MYH3: variants seen among roughly 807,000 people sequenced by gnomAD.
The protein encoded by MYH3 is myosin heavy chain 3.
In MYH3, 130 loss-of-function variants were observed where a neutral mutation model predicts 238.0. The ratio of observed to expected loss-of-function variants is 0.55; its 90% CI spans 0.47 to 0.63. The LOEUF (loss-of-function observed/expected upper bound fraction) is 0.63. Among genes scored for constraint, MYH3 ranks in the 30% least tolerant of loss-of-function variants. The probability of loss-of-function intolerance (pLI) is 0.00; values close to 1 mark genes in which losing one functional copy is unlikely to be tolerated. For missense variants in MYH3, 1,853 were observed against 2,374.9 expected (o/e 0.78, Z 4.57); for synonymous variants, 880 against 924.1 (o/e 0.95, Z 0.86).
intron 36 of MYH3, 60 bp downstream of exon 36, chr17:10,631,551 G>A: frequency 6.2e-7 from 1 of 1,613,556 alleles, no homozygotes; most frequent in Non-Finnish European, 8.5e-7. Context: ...CTAACTATGT[G>A]AGGGCTTTAA....
At chr17:10,631,094 T>C (rs1216435819) in intron 36 of MYH3, among the ~76,000 whole-genome samples, 1 of 152,232 alleles carries the variant, frequency 6.6e-6, no homozygotes. Flanking sequence ...ATATATATTT[T>C]CAAAGGAGCT....
upstream of MYH3, among the ~76,000 whole-genome samples, chr17:10,660,558 T>C (rs943041191): frequency 2.0e-5 from 3 of 151,858 alleles, no homozygotes; most frequent in African/African-American, 7.3e-5. Flanking sequence ...GTCCCTGTAT[T>C]CCCAGCTACT....
chr17:10,668,586 T>A, the MYH3 span, among the ~76,000 whole-genome samples: 8 of 152,254 alleles, frequency 5.3e-5, no homozygotes, highest in South Asian at 1.7e-3. Flanking sequence ...TTGAAGAAAT[T>A]TGAACATAAA....
chr17:10,629,022 GGTTT>G (rs1364343997), intron 40 of MYH3, among the ~76,000 whole-genome samples: 2 of 152,108 alleles, frequency 1.3e-5, no homozygotes, highest in African/African-American at 4.8e-5. Flanking sequence ...TCAGGATGGC[GGTTT>G]GTTTTGTTTT....
chr17:10,652,821 C>T (rs1751642588), intron 3 of MYH3, among the ~76,000 whole-genome samples: 1 of 151,670 alleles, frequency 6.6e-6, no homozygotes, highest in African/African-American at 2.4e-5. Flanking sequence ...CGGGGTTTCA[C>T]CGTGTTAGCC....
chr17:10,635,199 A>C (rs1005758518), intron 30 of MYH3, among the ~76,000 whole-genome samples, 168 bp downstream of exon 30: 2 of 152,136 alleles, frequency 1.3e-5, no homozygotes, highest in Non-Finnish European at 2.9e-5. Context: ...CTTGTGTCTG[A>C]CCAAGATCAA....
chr17:10,650,806 AT>A (rs1417127571), intron 5 of MYH3, among the ~76,000 whole-genome samples: 1 of 152,132 alleles, frequency 6.6e-6, no homozygotes, highest in African/African-American at 2.4e-5. Flanking sequence ...ACCAGCACCG[AT>A]TTCTCCTTTC....
the MYH3 span, chr17:10,678,346 G>T: frequency 6.6e-6 from 1 of 152,108 alleles, no homozygotes; most frequent in Non-Finnish European, 1.5e-5. Flanking sequence ...ACATCTGGAA[G>T]ACGTCACCTC....
At chr17:10,630,716 T>A (rs1567551115) in intron 36 of MYH3, among the ~76,000 whole-genome samples, 1 of 152,172 alleles carries the variant, frequency 6.6e-6, no homozygotes, top group Non-Finnish European at 1.5e-5. Flanking sequence ...CTGGGCGTGG[T>A]GGCAGATGCC....
At chr17:10,671,807 C>T in the MYH3 span, among the ~76,000 whole-genome samples, 2 of 152,008 alleles carry the variant, frequency 1.3e-5, no homozygotes, top group East Asian at 3.9e-4. Flanking sequence ...TCTCGATCTC[C>T]TGACCTTGTG....
Position 10,641,284 on chromosome 17 carries a change from C to T in MYH3, c.2047+1G>A. On this transcript the variant is annotated splice_donor_variant, in intron 18 of 40. Transcript: ENST00000583535. LOFTEE classifies it high-confidence loss of function. ...ACCTAGCGAGCCAGCAGGTGTCTCA[C>T]CTGGAGTTTTGGTTTCATTGGGAAT... The T allele has an allele frequency of 6.2e-7, 1 of 1,611,970 alleles. No homozygotes were observed. The highest frequency in any genetic ancestry group is 8.5e-7 in the Non-Finnish European group (1 of 1,178,118).
Position 10,638,926 on chromosome 17 carries a change from C to T in MYH3, c.3286G>A (p.Glu1096Lys), listed in dbSNP as rs936470696. ...FEYCQLQSKV[E>K]DEQTLGLQFQ... The stretch of plus-strand genomic sequence containing the variant: ...TGGAGGCCCAGTGTCTGCTCATCTT[C>T]CACTTTGCTTTGAAGTTGACAATAT... Residue 1096 changes from glutamate (E) to lysine (K), a missense_variant, in exon 26 of 41, where the codon GAA becomes AAA. This residue lies in a region of MYH3 where 1,044 missense variants were observed against 1,192.6 expected (regional missense o/e 0.88). Coordinates refer to ENST00000583535, the MANE Select transcript of MYH3 (RefSeq NM_002470.4). 12 of 1,614,064 alleles carry T rather than the reference C, an allele frequency of 7.4e-6. No homozygotes were observed. The Admixed American group carries it at 1.2e-4, about 16-fold the overall frequency.
At chr17:10,670,295 A>G in the MYH3 span, among the ~76,000 whole-genome samples, 1 of 152,238 alleles carries the variant, frequency 6.6e-6, no homozygotes, top group African/African-American at 2.4e-5. This position sits in a 1 kb window ranked among gnomAD's most constrained non-coding sequence, Gnocchi z 7.0. Flanking sequence ...TCAGTGGATC[A>G]CAGCACCCAA....
In MYH3 at chr17:10,642,170, G is replaced by A. The variant is rs905790170; in HGVS notation, c.1959+70C>T. The A allele has an allele frequency of 4.3e-6, 6 of 1,391,834 alleles. No homozygotes were observed. The African/African-American group carries it at 5.7e-5, about 13-fold the overall frequency. The allele number at this position is 1,391,834 out of a possible 1,614,324, so 86.2% of individuals were successfully genotyped here. On this transcript the variant is annotated intron_variant, in intron 17 of 40. Transcript: ENST00000583535. The surrounding 1 kb of genome is among the most constrained non-coding windows in gnomAD (Gnocchi z 5.4). ...ACTACTCTCAAATAAATCAAGCTTA[G>A]AATCTCAGCATTGCTCATTTAGATG...
chr17:10,654,861 C>G lies in MYH3; in HGVS notation c.204G>C (p.Arg68Ser). 6.2e-7 allele frequency: 1 copy of G among 1,613,868 alleles called. No homozygotes were observed. Among genetic ancestry groups the G allele is most frequent in the Non-Finnish European group, 8.5e-7 (1 of 1,179,776 alleles). The change falls in exon 3 of 41, where the codon AGG becomes AGC. Residue 68 changes from arginine (R) to serine (S), a missense_variant and splice_region_variant. Physicochemically the swap from Arg to Ser is moderately radical, Grantham distance 110 (BLOSUM62 -1). Around this residue, in one of 3 missense-constraint regions of MYH3, gnomAD observed 131 missense variants for 123.5 expected, o/e 1.06. Coordinates refer to ENST00000583535, the MANE Select transcript of MYH3 (RefSeq NM_002470.4). The surrounding 1 kb of genome is among the most constrained non-coding windows in gnomAD (Gnocchi z 4.5). ...GCCTGTGGAGGGTACAGAGCCTTAC[C>G]CTGTTGTCCTCAGTTTCCACAGTGA... is the stretch of plus-strand genomic sequence containing the variant. ...GKVTVETEDN[R>S]TLVVKPEDVY...
rs757885954 is a variant in MYH3, at chr17:10,639,677, C to T, written c.2808G>A (p.Glu936=). Residue 936 remains glutamate (E), a synonymous_variant, in exon 23 of 41, where the codon GAG becomes GAA. Transcript: ENST00000583535. ...RAEDEEEINA[E]LTAKKRKLED... is the part of the protein sequence containing the mutation. ...CCAGTTTCCTCTTCTTGGCCGTCAG[C>T]TCAGCATTGATCTCCTCCTCATCTT... The T allele has an allele frequency of 7.4e-6, 12 of 1,614,102 alleles. No individual in the cohort carries two copies. Among genetic ancestry groups the T allele is most frequent in the Non-Finnish European group, 1.0e-5 (12 of 1,180,030 alleles).
intron 12 of MYH3, 51 bp downstream of exon 12, chr17:10,645,656 C>T (rs1433830223): frequency 6.2e-7 from 1 of 1,608,256 alleles, no homozygotes; most frequent in Non-Finnish European, 8.5e-7. Flanking sequence ...TACCAAGTGA[C>T]CTCAGCAGAT....
chr17:10,642,208 A>T lies in MYH3; in HGVS notation c.1959+32T>A. 6.3e-7 allele frequency: 1 copy of T among 1,587,192 alleles called. No individual in the cohort carries two copies. The highest frequency in any genetic ancestry group is 8.6e-7 in the Non-Finnish European group (1 of 1,157,086). The stretch of plus-strand genomic sequence containing the variant: ...GCTCATTTAGATGTCACTTAAATCA[A>T]TTATAAGCAAATAAACTTGTATTTT... On this transcript the variant is annotated intron_variant, in intron 17 of 40. Transcript: ENST00000583535. This position sits in a 1 kb window ranked among gnomAD's most constrained non-coding sequence, Gnocchi z 5.4.
Position 10,640,179 on chromosome 17 carries a change from G to C in MYH3, c.2499C>G (p.Leu833=), listed in dbSNP as rs777820182. The change falls in exon 22 of 41, where the codon CTC becomes CTG. Residue 833 remains leucine (L), a synonymous_variant. Transcript: ENST00000583535. ...TGAGGAGGGGCTTGATCTTGAAGAAGAGTTTCATCCAGGGCCAGTGCTTGA... is the reference window on the plus strand; with the variant it reads ...TGAGGAGGGGCTTGATCTTGAAGAACAGTTTCATCCAGGGCCAGTGCTTGA... ...MNVKHWPWMK[L]FFKIKPLLKS... is the part of the protein sequence containing the mutation. 1 of 1,614,196 alleles carries C rather than the reference G, an allele frequency of 6.2e-7. No homozygotes were observed. Among genetic ancestry groups the C allele is most frequent in the Non-Finnish European group, 8.5e-7 (1 of 1,180,040 alleles).
Sources: gnomAD v4.1 joint callset for allele counts (sites outside exome capture counted in the v4.1 genomes callset) on GRCh38, gnomAD v4.1.1 for gene constraint, gnomAD v4.1.1 regional missense constraint, Gnocchi (gnomAD v3.1) non-coding constraint, MANE v1.5 for transcripts, NCBI Gene and HGNC (gene_info 2026-07-23, HGNC 2026-07-21) for gene names.